The following NUMBL variants were observed in gnomAD, a reference collection of about 807,000 sequenced individuals.
NUMBL encodes numb-like protein.
Under a neutral mutation model 48.9 loss-of-function variants are expected in NUMBL, and 20 were observed. That is an observed-to-expected ratio of 0.41 (90% confidence interval 0.29 to 0.59). The LOEUF is 0.59. Among genes scored for constraint, NUMBL ranks in the 20% least tolerant of loss-of-function variants. The probability of loss-of-function intolerance (pLI) is 0.31; values close to 1 mark genes in which losing one functional copy is unlikely to be tolerated. For synonymous variants in NUMBL, 340 were observed against 348.7 expected (o/e 0.98, Z 0.28); for missense variants, 660 against 846.2 (o/e 0.78, Z 2.73).
chr19:40,682,644 A>G lies in NUMBL; in HGVS notation c.399+84T>C, dbSNP rs2081910521. ...AGGTCCCTGAGGGAGGGATGTGCAG[A>G]GGAGGCGGGAAGGTGTCCTCCGCCC... On this transcript the variant is annotated intron_variant, in intron 5 of 9. Transcript: ENST00000252891. The surrounding 1 kb of genome is among the most constrained non-coding windows in gnomAD (Gnocchi z 4.0). 7.9e-7 allele frequency: 1 copy of G among 1,267,758 alleles called. No homozygotes were observed. The highest frequency in any genetic ancestry group is 1.3e-5 in the South Asian group (1 of 76,442). The allele number at this position is 1,267,758 out of a possible 1,614,324, so 78.5% of individuals were successfully genotyped here.
At chr19:40,669,523 G>C (rs1478460677) in intron 9 of NUMBL, among the ~76,000 whole-genome samples, 1 of 151,656 alleles carries the variant, frequency 6.6e-6, no homozygotes, top group Non-Finnish European at 1.5e-5. Flanking sequence ...GATGATCCAT[G>C]GCTCTAAGAT....
chr19:40,679,321 C>T (rs1190862022), intron 6 of NUMBL, among the ~76,000 whole-genome samples: 2 of 152,030 alleles, frequency 1.3e-5, no homozygotes, highest in African/African-American at 2.4e-5. Flanking sequence ...TGCAGTGAGG[C>T]GAGATTGCAC....
At chr19:40,683,329 T>G (rs1027742926) in intron 3 of NUMBL, among the ~76,000 whole-genome samples, 19 of 152,168 alleles carry the variant, frequency 1.2e-4, no homozygotes, top group Non-Finnish European at 2.4e-4. Flanking sequence ...CCTGGGCCAG[T>G]CCCCACAATG....
chr19:40,679,865 G>A (rs1186847663), intron 6 of NUMBL, among the ~76,000 whole-genome samples: 6 of 152,070 alleles, frequency 3.9e-5, no homozygotes, highest in East Asian at 1.9e-4. Flanking sequence ...CTCCTTTAGC[G>A]GTGATGAAAA....
At chr19:40,689,417 C>T in intron 1 of NUMBL, 1 of 153,582 alleles carries the variant, frequency 6.5e-6, no homozygotes, top group Non-Finnish European at 1.5e-5. Flanking sequence ...ACCACAAGCA[C>T]ACACACACGA....
chr19:40,677,150 G>T, intron 7 of NUMBL, 82 bp downstream of exon 7: 1 of 1,418,752 alleles, frequency 7.0e-7, no homozygotes. Context: ...TTGAGTCTCT[G>T]CACCTCTGCA....
rs1396424455 is a variant in NUMBL at position 40,677,315 on chromosome 19, C to T, written c.647G>A (p.Arg216His). The T allele has an allele frequency of 5.6e-6, 9 of 1,611,326 alleles. No individual in the cohort carries two copies. The highest frequency in any genetic ancestry group is 1.7e-5 in the Admixed American group (1 of 59,914). Residue 216 changes from arginine to histidine, a missense_variant, in exon 7 of 10, where the codon CGC becomes CAC. Coordinates refer to ENST00000252891, the MANE Select transcript of NUMBL (RefSeq NM_004756.5). ...GGAGCCCTCGCGGGCGAAGCTGGTG[C>T]GGCTGGCATCGAAGGCGGCCGTGAC... ...CGVTAAFDAS[R>H]TSFAREGSFR...
At chr19:40,669,171 G>A (rs765382221) in intron 9 of NUMBL, among the ~76,000 whole-genome samples, 26 of 152,100 alleles carry the variant, frequency 1.7e-4, no homozygotes, top group South Asian at 2.1e-4. Flanking sequence ...GTAATCCCAC[G>A]GCTCTAAGAT....
chr19:40,680,921 T>G lies in NUMBL; in HGVS notation c.536A>C (p.Asp179Ala). ...GCCAGCTGTGGCAATACTCACGGAG[T>G]CCTTCAGTGCCAGAAAACAGTGGCA... ...WICHCFLALK[D>A]SGERLSHAVG... Residue 179 changes from aspartate to alanine, a missense_variant, in exon 6 of 10, where the codon GAC becomes GCC. Around this residue, in one of 3 missense-constraint regions of NUMBL, gnomAD observed 278 missense variants for 420.6 expected, o/e 0.66. Coordinates refer to ENST00000252891, the MANE Select transcript of NUMBL (RefSeq NM_004756.5). The G allele has an allele frequency of 6.2e-7, 1 of 1,613,556 alleles. No homozygotes were observed. Among genetic ancestry groups the G allele is most frequent in the Non-Finnish European group, 8.5e-7 (1 of 1,179,890 alleles).
rs568245137 is a variant in NUMBL, at chr19:40,688,527, A to C, written c.25-1532T>G. On this transcript the variant is annotated intron_variant, in intron 1 of 9. Coordinates refer to ENST00000252891, the MANE Select transcript of NUMBL (RefSeq NM_004756.5). This position sits in a 1 kb window ranked among gnomAD's most constrained non-coding sequence, Gnocchi z 4.6. ...CAGGGGCCAATCTCATCACCAAATC[A>C]CACATTCTAACACAGGTAGTCCAGC... Among the ~76,000 whole-genome samples, 2 of 152,270 alleles carry C rather than the reference A, an allele frequency of 1.3e-5. No homozygotes were observed. Among genetic ancestry groups the C allele is most frequent in the South Asian group, 4.1e-4 (2 of 4,824 alleles).
intron 2 of NUMBL, chr19:40,684,840 C>G: frequency 2.4e-6 from 1 of 416,232 alleles, no homozygotes. Flanking sequence ...GGGGCACAGG[C>G]TTCAGGGCAT....
Position 40,688,851 on chromosome 19 carries a change from C to T in NUMBL, c.24+1609G>A, listed in dbSNP as rs895788452. On this transcript the variant is annotated intron_variant, in intron 1 of 9. Coordinates refer to ENST00000252891, the MANE Select transcript of NUMBL (RefSeq NM_004756.5). This position sits in a 1 kb window ranked among gnomAD's most constrained non-coding sequence, Gnocchi z 4.6. ...AAGGCTAGAAATACACACAATCACT[C>T]GTTATCACACACACTGCTAGATACA... Among the ~76,000 whole-genome samples the T allele has an allele frequency of 3.3e-5, 5 of 152,212 alleles. No homozygotes were observed. Among genetic ancestry groups the T allele is most frequent in the Admixed American group, 1.3e-4 (2 of 15,284 alleles).
chr19:40,686,991 C>T lies in NUMBL; in HGVS notation c.29G>A (p.Gly10Glu). 1 of 1,504,470 alleles carries T rather than the reference C, an allele frequency of 6.6e-7. No individual in the cohort carries two copies. Among genetic ancestry groups the T allele is most frequent in the African/African-American group, 1.4e-5 (1 of 70,408 alleles). 93.2% of individuals were successfully genotyped at this position (1,504,470 alleles called of 1,614,324 possible). Residue 10 changes from glycine to glutamate, a missense_variant, in exon 2 of 10, where the codon GGA (glycine) becomes GAA (glutamate). By Grantham distance (98) the Gly-to-Glu change is moderately conservative (BLOSUM62 -2). Transcript: ENST00000252891. The stretch of plus-strand genomic sequence containing the variant: ...CAGGTGCCGCTCAGGCCTCCGGGGT[C>T]CGCCCTGCCCGAGTAGGGGAGGAGA... MSRSAAASG[G>E]PRRPERHLPP...
At chr19:40,686,846 T>G (rs369679561) in intron 2 of NUMBL, 65 bp downstream of exon 2, 20 of 998,760 alleles carry the variant, frequency 2.0e-5, no homozygotes, top group Middle Eastern at 2.0e-4. Context: ...GGACAGCTCC[T>G]CTGGTCGTGT....
rs2081821682 is a variant in NUMBL, at chr19:40,667,918, C to T, written c.1380G>A (p.Leu460=). ...GCCCCACGGGGGCGGGGAAAGGCTG[C>T]AGGGCAGGAGGCATGGTGGGCACTG... ...VAPVPTMPPA[L]QPFPAPVGPF... is the part of the protein sequence containing the mutation. Residue 460 remains leucine (L), a synonymous_variant, in exon 10 of 10, where the codon CTG becomes CTA. Transcript: ENST00000252891. This position sits in a 1 kb window ranked among gnomAD's most constrained non-coding sequence, Gnocchi z 6.1. The T allele has an allele frequency of 6.4e-7, 1 of 1,571,606 alleles. No individual in the cohort carries two copies. Among genetic ancestry groups the T allele is most frequent in the Non-Finnish European group, 8.6e-7 (1 of 1,158,526 alleles).
In NUMBL at chr19:40,687,678, C is replaced by T. The variant is rs3786533; in HGVS notation, c.25-683G>A. On this transcript the variant is annotated intron_variant, in intron 1 of 9. Coordinates refer to ENST00000252891, the MANE Select transcript of NUMBL (RefSeq NM_004756.5). The surrounding 1 kb of genome is among the most constrained non-coding windows in gnomAD (Gnocchi z 4.6). ...TGACAGCTATGTTTCCTCAGGCACCCGCCCAAGATACTGACGTCACAGGCC... is the reference window on the plus strand; with the variant it reads ...TGACAGCTATGTTTCCTCAGGCACCTGCCCAAGATACTGACGTCACAGGCC... Among the ~76,000 whole-genome samples, 85 of 152,312 alleles carry T rather than the reference C, an allele frequency of 5.6e-4. No individual in the cohort carries two copies. In the East Asian group the frequency reaches 0.014, roughly 25 times the overall value.
At chr19:40,680,341 G>A (rs935371639) in intron 6 of NUMBL, among the ~76,000 whole-genome samples, 17 of 152,118 alleles carry the variant, frequency 1.1e-4, no homozygotes, top group African/African-American at 3.6e-4. Flanking sequence ...GTAGAGATGG[G>A]GTTTTACCAG....
chr19:40,686,572 G>A lies in NUMBL; in HGVS notation c.109+339C>T, dbSNP rs1016617994. On this transcript the variant is annotated intron_variant, in intron 2 of 9. Coordinates refer to ENST00000252891, the MANE Select transcript of NUMBL (RefSeq NM_004756.5). ...GGAATGTGTGTGTGTGTATATATGT[G>A]TGTACATTAGTGTGATGAACATCTA... is the stretch of plus-strand genomic sequence containing the variant. Among the ~76,000 whole-genome samples the A allele has an allele frequency of 2.0e-5, 3 of 152,060 alleles. No individual in the cohort carries two copies. The South Asian group carries it at 6.2e-4, about 32-fold the overall frequency.
intron 7 of NUMBL, among the ~76,000 whole-genome samples, chr19:40,674,082 G>C (rs2081862605): frequency 6.6e-6 from 1 of 152,130 alleles, no homozygotes; most frequent in Non-Finnish European, 1.5e-5. Context: ...TCATTTTACA[G>C]ATGTGGAAAC....
Sources: allele counts gnomAD v4.1 joint callset (sites outside exome capture counted in the v4.1 genomes callset), GRCh38; gene constraint gnomAD v4.1.1; regional missense constraint gnomAD v4.1.1; non-coding constraint Gnocchi (gnomAD v3.1); transcripts MANE v1.5; gene names NCBI Gene and HGNC (gene_info 2026-07-23, HGNC 2026-07-21).